Variants in ZFHX3 observed in about 807,000 individuals in gnomAD.
ZFHX3 encodes zinc finger homeobox 3.
ZFHX3 carries 42 observed loss-of-function variants against 279.1 expected under a neutral mutation model. That is an observed-to-expected ratio of 0.15 (90% confidence interval 0.12 to 0.19). The LOEUF is 0.19. Among genes scored for constraint, ZFHX3 ranks in the 10% least tolerant of loss-of-function variants. The pLI is 1.00. For missense variants in ZFHX3, 4,981 were observed against 4,754.0 expected (o/e 1.05, Z -1.40); for synonymous variants, 2,293 against 1,957.8 (o/e 1.17, Z -4.52).
In ZFHX3 at chr16:72,797,562, G is replaced by C. The variant is rs1567518640; in HGVS notation, c.5120C>G (p.Pro1707Arg). 1 of 1,614,106 alleles carries C rather than the reference G, an allele frequency of 6.2e-7. No individual in the cohort carries two copies. Among genetic ancestry groups the C allele is most frequent in the African/African-American group, 1.3e-5 (1 of 75,010 alleles). Residue 1707 changes from proline (P) to arginine (R), a missense_variant, in exon 9 of 10, where the codon CCC (proline) becomes CGC (arginine). Transcript: ENST00000268489. ...CAGTTTCTTCCGATTGGCCTCTTTG[G>C]GCTCTGAAGGGGAAGCAATGTTGGC... ...IGANIASPSE[P>R]KEANRKKLAD...
intron 1 of ZFHX3, among the ~76,000 whole-genome samples, chr16:73,742,746 T>A (rs888700931): frequency 6.6e-6 from 1 of 152,214 alleles, no homozygotes; most frequent in East Asian, 1.9e-4. Context: ...GTTCCCCTTT[T>A]TTCTACAGAG....
chr16:73,577,827 T>C (rs941471681), intron 2 of ZFHX3, among the ~76,000 whole-genome samples: 1 of 152,234 alleles, frequency 6.6e-6, no homozygotes, highest in Non-Finnish European at 1.5e-5. Flanking sequence ...ATTTAATAAC[T>C]GAGTGAAGAG....
chr16:73,596,194 C>T (rs8062875), intron 2 of ZFHX3, among the ~76,000 whole-genome samples: 109,963 of 151,542 alleles, frequency 0.73, 43,129 homozygotes, highest in East Asian at 0.99. Flanking sequence ...GCTAATTTTT[C>T]GTATTTTTAG....
At chr16:72,827,724 C>T (rs903286541) in intron 5 of ZFHX3, among the ~76,000 whole-genome samples, 47 of 152,176 alleles carry the variant, frequency 3.1e-4, no homozygotes, top group African/African-American at 1.0e-3. Context: ...GCACAGATGT[C>T]CATCCTCCAC....
At chr16:73,286,923 T>C (rs111174183) in intron 4 of ZFHX3, among the ~76,000 whole-genome samples, 13,386 of 145,382 alleles carry the variant, frequency 0.092, 678 homozygotes, top group South Asian at 0.23. Flanking sequence ...TGTGTGGCTG[T>C]GTGGGTTGGT....
At chr16:72,918,199 T>C (rs995110604) in intron 3 of ZFHX3, among the ~76,000 whole-genome samples, 6 of 152,132 alleles carry the variant, frequency 3.9e-5, no homozygotes, top group Admixed American at 2.0e-4. Flanking sequence ...TCAAGGGACC[T>C]GTCAACAAGC....
chr16:72,872,845 A>T (rs543126524), intron 4 of ZFHX3, among the ~76,000 whole-genome samples: 1 of 152,208 alleles, frequency 6.6e-6, no homozygotes, highest in African/African-American at 2.4e-5. Context: ...GGGCAAAACT[A>T]GACTTCCGAA....
At chr16:72,914,345 C>T (rs760105356) in intron 3 of ZFHX3, among the ~76,000 whole-genome samples, 5 of 152,194 alleles carry the variant, frequency 3.3e-5, no homozygotes, top group Non-Finnish European at 5.9e-5. Flanking sequence ...TCTCTACAAA[C>T]AGGTATGGAA....
chr16:72,934,242 T>C (rs1959988664), intron 3 of ZFHX3, among the ~76,000 whole-genome samples: 1 of 151,914 alleles, frequency 6.6e-6, no homozygotes, highest in Admixed American at 6.6e-5. Flanking sequence ...CTGGCCAACA[T>C]GGTAAAACCC....
intron 3 of ZFHX3, among the ~76,000 whole-genome samples, chr16:73,404,444 A>T (rs1250196954): frequency 1.3e-5 from 2 of 152,208 alleles, no homozygotes; most frequent in African/African-American, 2.4e-5. Flanking sequence ...ACCTCCTAGG[A>T]TGCATCTTGG....
intron 2 of ZFHX3, among the ~76,000 whole-genome samples, chr16:73,495,032 A>G (rs1171776988): frequency 6.6e-6 from 1 of 152,188 alleles, no homozygotes; most frequent in Non-Finnish European, 1.5e-5. Flanking sequence ...CAGGGGAGGA[A>G]ACAGCATAAC....
At position 72,955,776 on chromosome 16, in the gene ZFHX3, C is replaced by CAAAA. The variant is rs11441187; in HGVS notation, c.2719+1647_2719+1650dup. Among the ~76,000 whole-genome samples, 45 of 105,988 alleles carry CAAAA rather than the reference C, an allele frequency of 4.2e-4. 1 individual carries two copies. The highest frequency in any genetic ancestry group is 5.3e-4 in the African/African-American group (14 of 26,236). The allele number at this position is 105,988 out of a possible 152,430, so 69.5% of individuals were successfully genotyped here. ...TGGGTGACAGAGCGAGACTCTGTCT[C>CAAAA]AAAAAAAAAAAAAAAAAAACCCTCA... On this transcript the variant is annotated intron_variant, in intron 2 of 9. Transcript: ENST00000268489.
chr16:73,530,997 C>T (rs1039586501), intron 2 of ZFHX3, among the ~76,000 whole-genome samples: 5 of 152,170 alleles, frequency 3.3e-5, no homozygotes, highest in Non-Finnish European at 1.5e-5. Flanking sequence ...ATGCTCCTAA[C>T]GGGAGAGATG....
chr16:73,266,069 G>T (rs1464791497), intron 4 of ZFHX3, among the ~76,000 whole-genome samples: 3 of 152,176 alleles, frequency 2.0e-5, no homozygotes, highest in Non-Finnish European at 4.4e-5. Context: ...ACAGCAAAGG[G>T]ACTGAAGTTT....
chr16:73,087,196 A>T (rs1182758376), intron 8 of ZFHX3, among the ~76,000 whole-genome samples: 1 of 152,196 alleles, frequency 6.6e-6, no homozygotes, highest in African/African-American at 2.4e-5. Flanking sequence ...ACACAGTACT[A>T]GTCCTAAAAC....
At chr16:73,505,584 A>G (rs1339625038) in intron 2 of ZFHX3, among the ~76,000 whole-genome samples, 3 of 152,082 alleles carry the variant, frequency 2.0e-5, no homozygotes, top group Non-Finnish European at 2.9e-5. Flanking sequence ...AAAATTACAT[A>G]TTAATAAAAT....
chr16:73,349,715 C>CGTT (rs2016197393), intron 3 of ZFHX3, among the ~76,000 whole-genome samples: 1 of 51,294 alleles, frequency 1.9e-5, no homozygotes, highest in Non-Finnish European at 3.5e-5. Flanking sequence ...CTCCCTCCCT[C>CGTT]CTTCCCTCTC....
At chr16:73,132,682 G>A (rs1396648760) in intron 6 of ZFHX3, among the ~76,000 whole-genome samples, 1 of 152,174 alleles carries the variant, frequency 6.6e-6, no homozygotes, top group East Asian at 1.9e-4. Context: ...TGTCTAGGCT[G>A]TATTTCAGGC....
intron 1 of ZFHX3, among the ~76,000 whole-genome samples, chr16:73,866,208 A>G (rs1333578579): frequency 2.6e-5 from 3 of 116,220 alleles, no homozygotes; most frequent in African/African-American, 9.9e-5. Flanking sequence ...GAGACAGAGT[A>G]TCACCCTGTC....
Sources: allele counts gnomAD v4.1 joint callset (sites outside exome capture counted in the v4.1 genomes callset), GRCh38; gene constraint gnomAD v4.1.1; transcripts MANE v1.5; gene names NCBI Gene and HGNC (gene_info 2026-07-23, HGNC 2026-07-21).